Variants in SHB observed in about 807,000 individuals in gnomAD.
SHB encodes SH2 domain containing adaptor protein B.
In SHB, 20 loss-of-function variants were observed where a neutral mutation model predicts 52.3. That is an observed-to-expected ratio of 0.38 (90% CI 0.27 to 0.56). SHB has a LOEUF of 0.56. SHB is among the 20% of genes least tolerant of loss of function. SHB has a pLI of 0.71. For synonymous variants in SHB, 397 were observed against 316.5 expected, an observed-to-expected ratio of 1.25 and a Z score of -2.70; for missense variants, 825 against 723.3, an observed-to-expected ratio of 1.14 and a Z score of -1.61.
intron 1 of SHB, among the ~76,000 whole-genome samples, chr9:38,028,779 C>CCATTTTTCTAAAATATAACAT (rs1821376961): frequency 6.6e-6 from 1 of 152,232 alleles, no homozygotes. Context: ...TAAAAGGATT[C>CCATTTTTCTAAAATATAACAT]CATTTTTCTA....
At chr9:37,952,620 C>T (rs1348603674) in intron 4 of SHB, among the ~76,000 whole-genome samples, 7 of 152,130 alleles carry the variant, frequency 4.6e-5, no homozygotes, top group Non-Finnish European at 7.3e-5. Flanking sequence ...GTAGTTCACA[C>T]GGCAGGTGGC....
chr9:38,007,450 A>G (rs921093624), intron 2 of SHB, among the ~76,000 whole-genome samples: 1 of 152,210 alleles, frequency 6.6e-6, no homozygotes, highest in Non-Finnish European at 1.5e-5. Context: ...GGCTGCGGAG[A>G]CAGAACTGGT....
chr9:38,046,082 C>G (rs1306784005), intron 1 of SHB, among the ~76,000 whole-genome samples: 2 of 152,062 alleles, frequency 1.3e-5, no homozygotes, highest in African/African-American at 2.4e-5. Flanking sequence ...CGAAAATTAG[C>G]CAGGCGTGGT....
intron 1 of SHB, among the ~76,000 whole-genome samples, chr9:38,017,917 CT>C (rs1821235655): frequency 6.6e-6 from 1 of 152,208 alleles, no homozygotes; most frequent in Non-Finnish European, 1.5e-5. Context: ...ACATAAACTG[CT>C]GTCAAACGGA....
intron 3 of SHB, among the ~76,000 whole-genome samples, chr9:37,971,679 T>A (rs181003119): frequency 1.3e-5 from 2 of 152,282 alleles, no homozygotes; most frequent in Non-Finnish European, 2.9e-5. Context: ...CTATCTTCTA[T>A]CAACAGCCCA....
At chr9:38,029,774 A>G (rs1365208687) in intron 1 of SHB, among the ~76,000 whole-genome samples, 1 of 152,224 alleles carries the variant, frequency 6.6e-6, no homozygotes, top group Admixed American at 6.5e-5. Flanking sequence ...TACAGGTGTG[A>G]GCCACCACAC....
At chr9:38,054,720 C>G (rs896965594) in intron 1 of SHB, among the ~76,000 whole-genome samples, 1 of 152,230 alleles carries the variant, frequency 6.6e-6, no homozygotes, top group Non-Finnish European at 1.5e-5. Context: ...ACTGGTTCTA[C>G]TTGACCTCAG....
Position 38,068,117 on chromosome 9 carries a change from G to A in SHB, c.529C>T (p.Arg177Cys). Residue 177 changes from arginine (R) to cysteine (C), a missense_variant, in exon 1 of 6, where the codon CGC (arginine) becomes TGC (cysteine). Arg to Cys is a radical substitution (Grantham distance 180). Transcript: ENST00000377707. Reference protein sequence around the residue: ...ERRPATPAEVRYISPKHRLIK... With the variant: ...ERRPATPAEVCYISPKHRLIK... Reference sequence around the variant, plus strand: ...AGGCGGTGCTTGGGGGAGATGTAGCGCACCTCGGCCGGCGTGGCGGGCCGC... The same window carrying A: ...AGGCGGTGCTTGGGGGAGATGTAGCACACCTCGGCCGGCGTGGCGGGCCGC... 1 of 1,466,572 alleles carries A rather than the reference G, an allele frequency of 6.8e-7. No homozygotes were observed. The highest frequency in any genetic ancestry group is 8.9e-7 in the Non-Finnish European group (1 of 1,121,246). The allele number at this position is 1,466,572 out of a possible 1,614,324, so 90.8% of individuals were successfully genotyped here. A position where few individuals can be genotyped will look rare whatever the true frequency, so the allele number is the denominator to read the frequency against.
intron 5 of SHB, among the ~76,000 whole-genome samples, chr9:37,927,667 G>A (rs1006175447): frequency 1.3e-5 from 2 of 152,204 alleles, no homozygotes; most frequent in African/African-American, 4.8e-5. Context: ...CACATTATTA[G>A]ACAAGAAGTT....
At chr9:38,011,637 G>A (rs1821144443) in intron 2 of SHB, among the ~76,000 whole-genome samples, 1 of 152,178 alleles carries the variant, frequency 6.6e-6, no homozygotes, top group Admixed American at 6.5e-5. Context: ...CCACCCATCT[G>A]AGACTCAACT....
At chr9:37,983,863 C>T (rs563600582) in intron 2 of SHB, among the ~76,000 whole-genome samples, 201 of 152,304 alleles carry the variant, frequency 1.3e-3, no homozygotes, top group African/African-American at 4.6e-3. Context: ...TGCCACTTAG[C>T]GGGGCTGCCC....
At chr9:37,995,975 G>T (rs1476533558) in intron 2 of SHB, among the ~76,000 whole-genome samples, 3 of 152,214 alleles carry the variant, frequency 2.0e-5, no homozygotes, top group Non-Finnish European at 2.9e-5. Context: ...TTTCCTGGGG[G>T]TTTAATTTGC....
Position 38,068,599 on chromosome 9 carries a change from G to C in SHB, c.47C>G (p.Thr16Ser), listed in dbSNP as rs762995098. Reference protein sequence around the residue: ...NKYFSLGNSKTKSPPQPPRPD... With the variant: ...NKYFSLGNSKSKSPPQPPRPD... Reference sequence around the variant, plus strand: ...CCGCGGCGGCTGCGGGGGGCTCTTGGTCTTGCTGTTGCCCAAGCTGAAGTA... The same window carrying C: ...CCGCGGCGGCTGCGGGGGGCTCTTGCTCTTGCTGTTGCCCAAGCTGAAGTA... Residue 16 changes from threonine to serine, a missense_variant, in exon 1 of 6, where the codon ACC becomes AGC. Transcript: ENST00000377707. 5 of 1,495,128 alleles carry C rather than the reference G, an allele frequency of 3.3e-6. No individual in the cohort carries two copies. Among genetic ancestry groups the C allele is most frequent in the Non-Finnish European group, 3.5e-6 (4 of 1,133,644 alleles). 92.6% of individuals were successfully genotyped at this position (1,495,128 alleles called of 1,614,324 possible). A position where few individuals can be genotyped will look rare whatever the true frequency, so the allele number is the denominator to read the frequency against.
chr9:38,006,925 C>G (rs1245849053), intron 2 of SHB, among the ~76,000 whole-genome samples: 1 of 152,178 alleles, frequency 6.6e-6, no homozygotes, highest in Non-Finnish European at 1.5e-5. Flanking sequence ...GGGGACAAGT[C>G]TCCACTCAGC....
intron 4 of SHB, among the ~76,000 whole-genome samples, chr9:37,950,052 C>T (rs1832546797): frequency 1.3e-5 from 2 of 152,152 alleles, no homozygotes; most frequent in Non-Finnish European, 2.9e-5. Flanking sequence ...TCCCCCCAAC[C>T]CCCAGCCTCC....
intron 4 of SHB, among the ~76,000 whole-genome samples, chr9:37,951,495 G>A (rs1164224471): frequency 6.6e-6 from 1 of 152,206 alleles, no homozygotes; most frequent in African/African-American, 2.4e-5. Flanking sequence ...GCTGTCCTCT[G>A]GGAGATTTCA....
chr9:38,028,989 C>T (rs1015260142), intron 1 of SHB, among the ~76,000 whole-genome samples: 1 of 152,078 alleles, frequency 6.6e-6, no homozygotes, highest in Non-Finnish European at 1.5e-5. Context: ...CAAGTGGATA[C>T]AGGACCACCG....
chr9:37,982,219 G>A (rs1820736337), intron 2 of SHB, among the ~76,000 whole-genome samples: 1 of 152,232 alleles, frequency 6.6e-6, no homozygotes, highest in Non-Finnish European at 1.5e-5. Flanking sequence ...TGGGCCAGAT[G>A]TGGTGGCTCA....
At position 37,916,668 on chromosome 9, in the gene SHB, A is replaced by G. The variant is rs1209288344; in HGVS notation, c.*3153T>C. Among the ~76,000 whole-genome samples, 6 of 152,320 alleles carry G rather than the reference A, an allele frequency of 3.9e-5. No homozygotes were observed. The East Asian group carries it at 9.7e-4, about 25-fold the overall frequency. ...GAGTCTTTGCACCCCTTTCCTGGGA[A>G]CAGCTACGCTGTGAGCCTCTCTCCA... On this transcript the variant is annotated 3_prime_UTR_variant, in exon 6 of 6. Transcript: ENST00000377707.
Sources: allele counts gnomAD v4.1 joint callset (sites outside exome capture counted in the v4.1 genomes callset), GRCh38; gene constraint gnomAD v4.1.1; transcripts MANE v1.5; gene names NCBI Gene and HGNC (gene_info 2026-07-23, HGNC 2026-07-21).